SLC39A9: variants seen among roughly 807,000 people sequenced by gnomAD.
SLC39A9 encodes the protein zinc transporter ZIP9.
In SLC39A9, 14 loss-of-function variants were observed where a neutral mutation model predicts 28.4. That is an observed-to-expected ratio of 0.49 (90% CI 0.33 to 0.77). The LOEUF (loss-of-function observed/expected upper bound fraction) is 0.77. Among genes scored for constraint, SLC39A9 ranks in the 30% least tolerant of loss-of-function variants. The pLI, the probability that SLC39A9 is intolerant of heterozygous loss-of-function variation, is 0.02. For missense variants in SLC39A9, 283 were observed against 381.1 expected (o/e 0.74, Z 2.14); for synonymous variants, 119 against 149.6 (o/e 0.80, Z 1.49).
intron 2 of SLC39A9, among the ~76,000 whole-genome samples, chr14:69,440,962 CTGTTT>C (rs535582133): frequency 0.016 from 2,361 of 152,256 alleles, 34 homozygotes; most frequent in Non-Finnish European, 0.022. Context: ...TGCACCTGGC[CTGTTT>C]TGTTTTGTTT....
In SLC39A9 at chr14:69,453,058, C is replaced by T. The variant is rs536492885; in HGVS notation, c.404-183C>T. Among the ~76,000 whole-genome samples, 4 of 152,178 alleles carry T rather than the reference C, an allele frequency of 2.6e-5. No individual in the cohort carries two copies. In the East Asian group the frequency reaches 7.7e-4, roughly 29 times the overall value. On this transcript the variant is annotated intron_variant, in intron 3 of 6. Transcript: ENST00000336643. ...AAGCAGAAAGAAAAAAGATAGTGGC[C>T]GGGTGCGGTGGCTCACGCCTATCAT...
Position 69,462,124 on chromosome 14 carries a change from C to T in SLC39A9, c.*3531C>T, listed in dbSNP as rs542031704. On this transcript the variant is annotated 3_prime_UTR_variant, in exon 7 of 7. Coordinates refer to ENST00000336643, the MANE Select transcript of SLC39A9 (RefSeq NM_018375.5). ...TTCTCTAGATATACTCAGCCTAACC[C>T]AGTGGCTTAACACAAGGAGATTGGC... 88 of 160,750 alleles carry T rather than the reference C, an allele frequency of 5.5e-4. No homozygotes were observed. Among genetic ancestry groups the T allele is most frequent in the African/African-American group, 2.0e-3 (84 of 41,890 alleles). 10.0% of individuals were successfully genotyped at this position (160,750 alleles called of 1,614,324 possible). A position where few individuals can be genotyped will look rare whatever the true frequency, so the allele number is the denominator to read the frequency against.
chr14:69,418,612 A>G (rs928713060), intron 1 of SLC39A9, among the ~76,000 whole-genome samples: 2 of 152,142 alleles, frequency 1.3e-5, no homozygotes, highest in Non-Finnish European at 2.9e-5. Flanking sequence ...CTCTGCTAGA[A>G]TTCGGCCGTG....
intron 1 of SLC39A9, among the ~76,000 whole-genome samples, chr14:69,416,600 C>T (rs1270141794): frequency 1.8e-4 from 28 of 152,260 alleles, no homozygotes; most frequent in African/African-American, 6.7e-4. Flanking sequence ...AGTGTAAAAG[C>T]GTTCCTATTT....
Position 69,399,550 on chromosome 14 carries a change from TAAATCTC to T in SLC39A9, c.96+89_96+95del. The T allele has an allele frequency of 2.9e-6, 3 of 1,026,998 alleles. No homozygotes were observed. The South Asian group carries it at 4.1e-5, about 14-fold the overall frequency. 63.6% of individuals were successfully genotyped at this position (1,026,998 alleles called of 1,614,324 possible). A position where few individuals can be genotyped will look rare whatever the true frequency, so the allele number is the denominator to read the frequency against. On this transcript the variant is annotated intron_variant, in intron 1 of 6. Transcript: ENST00000336643. ...TGCAAAGGGAAGCTGCTTCCCTAGT[TAAATCTC>T]AAAGCTGAAGGTCTCATTAAGAAAG...
chr14:69,451,580 G>A (rs1043293775), intron 3 of SLC39A9, among the ~76,000 whole-genome samples: 1 of 152,162 alleles, frequency 6.6e-6, no homozygotes, highest in African/African-American at 2.4e-5. Flanking sequence ...GTCCATCTGG[G>A]GATAGAAAAC....
At chr14:69,419,161 C>T (rs35695471) in intron 1 of SLC39A9, among the ~76,000 whole-genome samples, 20,744 of 152,210 alleles carry the variant, frequency 0.14, 1,488 homozygotes, top group East Asian at 0.18. Flanking sequence ...TCCCTCTACA[C>T]ACTGCTTTAA....
intron 1 of SLC39A9, among the ~76,000 whole-genome samples, chr14:69,406,708 A>G (rs933573359): frequency 2.0e-5 from 3 of 151,510 alleles, no homozygotes; most frequent in Non-Finnish European, 4.4e-5. Context: ...AAAAAGTAGT[A>G]GTACTAAGTA....
intron 2 of SLC39A9, chr14:69,441,827 C>A: frequency 8.2e-7 from 1 of 1,225,444 alleles, no homozygotes; most frequent in Non-Finnish European, 1.0e-6. Flanking sequence ...GCTTCCACTT[C>A]CCAGGTGTTG....
intron 3 of SLC39A9, among the ~76,000 whole-genome samples, chr14:69,445,473 AAC>A (rs1885251269): frequency 6.6e-6 from 1 of 152,244 alleles, no homozygotes; most frequent in African/African-American, 2.4e-5. Flanking sequence ...TAATACATAT[AAC>A]AAATAAAATA....
In SLC39A9 at chr14:69,458,366, A is replaced by C; in HGVS notation, c.697A>C (p.Ser233Arg). ...CTTTCTCTCTTCTAATTCACAGAGCAGTAAAGAAGCCCTTTCAGAGGTGAA... is the reference window on the plus strand; with the variant it reads ...CTTTCTCTCTTCTAATTCACAGAGCCGTAAAGAAGCCCTTTCAGAGGTGAA... ...MVTYLGLSKS[S>R]KEALSEVNAT... The change falls in exon 7 of 7, where the codon AGT becomes CGT. Residue 233 changes from serine to arginine, a missense_variant. By Grantham distance (110) the Ser-to-Arg change is moderately radical. Coordinates refer to ENST00000336643, the MANE Select transcript of SLC39A9 (RefSeq NM_018375.5). 3.7e-6 allele frequency: 6 copies of C among 1,614,146 alleles called. No individual in the cohort carries two copies. Among genetic ancestry groups the C allele is most frequent in the Non-Finnish European group, 4.2e-6 (5 of 1,180,038 alleles).
chr14:69,461,909 G>A lies in SLC39A9; in HGVS notation c.*3316G>A. The stretch of plus-strand genomic sequence containing the variant: ...TGTTAAGTGAAAATCCTCTGTAGTT[G>A]TTCTGCAGAGGAACCTTCCTTCCAT... On this transcript the variant is annotated 3_prime_UTR_variant, in exon 7 of 7. Coordinates refer to ENST00000336643, the MANE Select transcript of SLC39A9 (RefSeq NM_018375.5). 1 of 613,954 alleles carries A rather than the reference G, an allele frequency of 1.6e-6. No individual in the cohort carries two copies. The highest frequency in any genetic ancestry group is 2.7e-6 in the Non-Finnish European group (1 of 374,764). The allele number at this position is 613,954 out of a possible 1,614,324, so 38.0% of individuals were successfully genotyped here. A position where few individuals can be genotyped will look rare whatever the true frequency, so the allele number is the denominator to read the frequency against.
At chr14:69,433,032 A>G (rs1307223685) in intron 2 of SLC39A9, among the ~76,000 whole-genome samples, 2 of 152,194 alleles carry the variant, frequency 1.3e-5, no homozygotes, top group African/African-American at 2.4e-5. Flanking sequence ...TTCTGGTTCC[A>G]TATGAATTTT....
In SLC39A9 at chr14:69,460,087, A is replaced by G. The variant is rs574611140; in HGVS notation, c.*1494A>G. 34 of 980,434 alleles carry G rather than the reference A, an allele frequency of 3.5e-5. No homozygotes were observed. The highest frequency in any genetic ancestry group is 5.3e-4 in the Middle Eastern group (1 of 1,900). 60.7% of individuals were successfully genotyped at this position (980,434 alleles called of 1,614,324 possible). On this transcript the variant is annotated 3_prime_UTR_variant, in exon 7 of 7. Coordinates refer to ENST00000336643, the MANE Select transcript of SLC39A9 (RefSeq NM_018375.5). Reference sequence around the variant, plus strand: ...ATTTTTGTAAACCCTGTCTTGTCAAATAAGTGTATAATATTGTATTATTAA... The same window carrying G: ...ATTTTTGTAAACCCTGTCTTGTCAAGTAAGTGTATAATATTGTATTATTAA...
intron 1 of SLC39A9, among the ~76,000 whole-genome samples, chr14:69,417,986 C>T (rs796115278): frequency 2.6e-5 from 4 of 152,064 alleles, no homozygotes; most frequent in South Asian, 4.1e-4. Context: ...TTGTCCTGGC[C>T]AGAACTTCCA....
chr14:69,419,835 C>G (rs1407574247), intron 1 of SLC39A9, among the ~76,000 whole-genome samples: 2 of 151,698 alleles, frequency 1.3e-5, no homozygotes, highest in Admixed American at 6.6e-5. Context: ...CTTTTTTTTG[C>G]TTTCCATTTG....
rs768403248 is a variant in SLC39A9, at chr14:69,424,238, T to C, written c.205+36T>C. The C allele has an allele frequency of 6.7e-6, 10 of 1,497,908 alleles. No individual in the cohort carries two copies. The Admixed American group carries it at 8.5e-5, about 13-fold the overall frequency. The allele number at this position is 1,497,908 out of a possible 1,614,324, so 92.8% of individuals were successfully genotyped here. On this transcript the variant is annotated intron_variant, in intron 2 of 6. Coordinates refer to ENST00000336643, the MANE Select transcript of SLC39A9 (RefSeq NM_018375.5). The stretch of plus-strand genomic sequence containing the variant: ...GAAGAGCATTATTTGAGATATGTTA[T>C]TGACTTGGAGGGTTAGCAGGATGAA...
intron 2 of SLC39A9, among the ~76,000 whole-genome samples, chr14:69,437,770 A>G (rs1268889443): frequency 6.6e-6 from 1 of 151,416 alleles, no homozygotes; most frequent in Admixed American, 6.6e-5. Flanking sequence ...TGTATTTTTA[A>G]TAGAGATGGG....
intron 1 of SLC39A9, among the ~76,000 whole-genome samples, chr14:69,410,118 C>A (rs897021387): frequency 2.6e-5 from 4 of 151,880 alleles, no homozygotes; most frequent in East Asian, 1.9e-4. Flanking sequence ...ATATTTATTT[C>A]TTTTATGTTT....
Sources: allele counts gnomAD v4.1 joint callset (sites outside exome capture counted in the v4.1 genomes callset), GRCh38; gene constraint gnomAD v4.1.1; transcripts MANE v1.5; gene names NCBI Gene and HGNC (gene_info 2026-07-23, HGNC 2026-07-21).